INTS10: variants seen among roughly 807,000 people sequenced by gnomAD.
INTS10 encodes chromosome 8 open reading frame 35.
A neutral mutation model predicts 94.4 loss-of-function variants in INTS10; 44 were observed. The observed-to-expected ratio is 0.47, with a 90% CI of 0.37 to 0.60. INTS10 has a LOEUF of 0.60. Among genes scored for constraint, INTS10 ranks in the 20% least tolerant of loss-of-function variants. The pLI, the probability that INTS10 is intolerant of heterozygous loss-of-function variation, is 0.00. For synonymous variants in INTS10, 341 were observed against 320.7 expected, an observed-to-expected ratio of 1.06 and a Z score of -0.68; for missense variants, 797 against 868.7, an observed-to-expected ratio of 0.92 and a Z score of 1.04.
At chr8:19,834,774 A>C (rs568043628) in intron 12 of INTS10, among the ~76,000 whole-genome samples, 68 of 152,180 alleles carry the variant, frequency 4.5e-4, no homozygotes, top group African/African-American at 1.5e-3. Context: ...TTGGGTTGCT[A>C]TAACCAAATA....
At position 19,849,207 on chromosome 8, in the gene INTS10, T is replaced by C. The variant is rs546037034; in HGVS notation, c.1977-2442T>C. On this transcript the variant is annotated intron_variant, in intron 16 of 16. Coordinates refer to ENST00000397977, the MANE Select transcript of INTS10 (RefSeq NM_018142.4). The surrounding 1 kb of genome is among the most constrained non-coding windows in gnomAD (Gnocchi z 4.6). ...GGTTACTGCAGCAGGAATTCTTACC[T>C]GTGCTTCAGCCCAGCATACAGACTG... is the stretch of plus-strand genomic sequence containing the variant. The C allele has an allele frequency of 2.9e-5, 38 of 1,289,696 alleles. 1 individual carries two copies. In the South Asian group the frequency reaches 4.4e-4, roughly 15 times the overall value. The allele number at this position is 1,289,696 out of a possible 1,614,324, so 79.9% of individuals were successfully genotyped here.
intron 4 of INTS10, 95 bp from the exon 5 acceptor site, chr8:19,822,344 A>G (rs2066443413): frequency 6.1e-6 from 4 of 660,476 alleles, no homozygotes; most frequent in Admixed American, 2.8e-5. Flanking sequence ...TGATTATGCA[A>G]ACTGTGATAA....
chr8:19,847,770 A>T (rs1214319694), intron 16 of INTS10, among the ~76,000 whole-genome samples: 1 of 152,196 alleles, frequency 6.6e-6, no homozygotes, highest in East Asian at 1.9e-4. Context: ...AAACCCTAGG[A>T]TGAGGAATGA....
At chr8:19,838,100 A>T (rs747282695) in intron 13 of INTS10, among the ~76,000 whole-genome samples, 6 of 152,262 alleles carry the variant, frequency 3.9e-5, no homozygotes, top group Non-Finnish European at 8.8e-5. Context: ...TCATGCCTGT[A>T]ATCCCAGCAT....
intron 9 of INTS10, among the ~76,000 whole-genome samples, chr8:19,828,484 G>T (rs769981659): frequency 2.8e-4 from 42 of 152,212 alleles, no homozygotes; most frequent in Non-Finnish European, 5.6e-4. Flanking sequence ...GTGCTTCAGA[G>T]TGTACTTGCA....
At chr8:19,844,826 T>C (rs2068438836) in intron 15 of INTS10, among the ~76,000 whole-genome samples, 1 of 152,234 alleles carries the variant, frequency 6.6e-6, no homozygotes, top group Non-Finnish European at 1.5e-5. Flanking sequence ...TTTATCTTAT[T>C]ACATTATTTC....
chr8:19,844,110 C>T lies in INTS10; in HGVS notation c.1754C>T (p.Ala585Val). The T allele has an allele frequency of 6.2e-7, 1 of 1,613,490 alleles. No individual in the cohort carries two copies. The highest frequency in any genetic ancestry group is 8.5e-7 in the Non-Finnish European group (1 of 1,179,580). ...RAFTDNRDDM[A>V]LGHVIVLLQQ... Reference sequence around the variant, plus strand: ...TTCACAGACAACAGAGACGACATGGCATTGGGGCATGTGATTGTGTTGCTT... The same window carrying T: ...TTCACAGACAACAGAGACGACATGGTATTGGGGCATGTGATTGTGTTGCTT... Residue 585 changes from alanine to valine, a missense_variant, in exon 15 of 17, where the codon GCA becomes GTA. Physicochemically the swap from Ala to Val is moderately conservative, Grantham distance 64. Coordinates refer to ENST00000397977, the MANE Select transcript of INTS10 (RefSeq NM_018142.4).
intron 2 of INTS10, among the ~76,000 whole-genome samples, 194 bp from the exon 3 acceptor site, chr8:19,819,379 A>G (rs748562619): frequency 6.6e-6 from 1 of 152,196 alleles, no homozygotes; most frequent in Non-Finnish European, 1.5e-5. Context: ...AAAACCCACT[A>G]AAGACTTATG....
chr8:19,825,996 C>T (rs141520643), intron 8 of INTS10, among the ~76,000 whole-genome samples: 1,635 of 152,250 alleles, frequency 0.011, 38 homozygotes, highest in African/African-American at 0.037. Flanking sequence ...TCACACTGAA[C>T]GTATTTTTAA....
chr8:19,823,508 C>G (rs557134104), intron 6 of INTS10, 67 bp downstream of exon 6: 351 of 1,068,886 alleles, frequency 3.3e-4, no homozygotes, highest in Middle Eastern at 1.8e-3. Context: ...TCAGAAACCC[C>G]TCAATGTTCT....
chr8:19,819,702 C>A, intron 3 of INTS10, 26 bp downstream of exon 3: 1 of 1,519,436 alleles, frequency 6.6e-7, no homozygotes, highest in South Asian at 1.1e-5. Context: ...TATAAGTTAC[C>A]ATTTCGGGAA....
At chr8:19,837,305 T>C in intron 13 of INTS10, 145 bp downstream of exon 13, 2 of 632,036 alleles carry the variant, frequency 3.2e-6, no homozygotes, top group East Asian at 2.7e-5. Flanking sequence ...GCCTGGGCAA[T>C]GTAGTGAGAC....
Position 19,817,645 on chromosome 8 carries a change from C to T in INTS10, c.108C>T (p.Tyr36=), listed in dbSNP as rs200218159. The T allele has an allele frequency of 8.1e-5, 130 of 1,607,356 alleles. No homozygotes were observed. The highest frequency in any genetic ancestry group is 9.8e-5 in the Non-Finnish European group (115 of 1,177,630). The part of the protein sequence containing the change: ...KAWLITARSL[Y]PADFNIQYEM... The stretch of plus-strand genomic sequence containing the variant: ...GGCTGATCACGGCCCGCAGCCTCTA[C>T]CCGGCAGACTTTAACATCCAGGTGA... Residue 36 remains tyrosine (Y), a synonymous_variant, in exon 1 of 17, where the codon TAC becomes TAT. Transcript: ENST00000397977.
In INTS10 at chr8:19,843,140, C is replaced by T. The variant is rs1590049643; in HGVS notation, c.1719+213C>T. The stretch of plus-strand genomic sequence containing the variant: ...AGAAGTAGGAAGTTCTCCCCGTCCT[C>T]AAAAAGTGTAATAGTGGGACAGATA... On this transcript the variant is annotated intron_variant, in intron 14 of 16. Transcript: ENST00000397977. This position sits in a 1 kb window ranked among gnomAD's most constrained non-coding sequence, Gnocchi z 4.7. Among the ~76,000 whole-genome samples the T allele has an allele frequency of 6.6e-6, 1 of 152,142 alleles. No individual in the cohort carries two copies. Among genetic ancestry groups the T allele is most frequent in the Non-Finnish European group, 1.5e-5 (1 of 68,044 alleles).
At chr8:19,830,669 C>A in intron 10 of INTS10, 110 bp downstream of exon 10, 1 of 1,020,846 alleles carries the variant, frequency 9.8e-7, no homozygotes, top group Non-Finnish European at 1.4e-6. Context: ...GTAGTTCATG[C>A]ATTTTTTTTT....
At chr8:19,847,752 A>T (rs1296945597) in intron 16 of INTS10, among the ~76,000 whole-genome samples, 1 of 152,202 alleles carries the variant, frequency 6.6e-6, no homozygotes, top group African/African-American at 2.4e-5. Flanking sequence ...ACATAAGTCC[A>T]AGTGGACAAA....
intron 5 of INTS10, 24 bp downstream of exon 5, chr8:19,822,544 T>G (rs2066459679): frequency 7.3e-7 from 1 of 1,374,542 alleles, no homozygotes; most frequent in Admixed American, 1.7e-5. Flanking sequence ...TATTCTCTAT[T>G]ACTTCTATGG....
At chr8:19,826,628 A>T (rs969343206) in intron 9 of INTS10, 69 bp downstream of exon 9, 1 of 1,439,122 alleles carries the variant, frequency 6.9e-7, no homozygotes. Context: ...TCTTTGTAAA[A>T]TATGGCTTTG....
At chr8:19,835,162 C>G (rs2067551877) in intron 12 of INTS10, among the ~76,000 whole-genome samples, 1 of 152,162 alleles carries the variant, frequency 6.6e-6, no homozygotes, top group African/African-American at 2.4e-5. Flanking sequence ...CAGTGTGATA[C>G]TAATCTCTTT....
Sources: gnomAD v4.1 joint callset for allele counts (sites outside exome capture counted in the v4.1 genomes callset) on GRCh38, gnomAD v4.1.1 for gene constraint, Gnocchi (gnomAD v3.1) non-coding constraint, MANE v1.5 for transcripts, NCBI Gene and HGNC (gene_info 2026-07-23, HGNC 2026-07-21) for gene names.